Variants in ITGA2 observed in about 807,000 individuals in gnomAD.
ITGA2 encodes integrin alpha-2.
A neutral mutation model predicts 146.3 loss-of-function variants in ITGA2; 101 were observed. The ratio of observed to expected loss-of-function variants is 0.69; its 90% CI spans 0.59 to 0.81. The LOEUF (loss-of-function observed/expected upper bound fraction) is 0.81. Ranked by LOEUF, ITGA2 falls within the 40% of genes least tolerant of loss-of-function variation. The pLI is 0.00. For synonymous variants in ITGA2, 477 were observed against 487.1 expected, an observed-to-expected ratio of 0.98 and a Z score of 0.27; for missense variants, 1,281 against 1,402.7, an observed-to-expected ratio of 0.91 and a Z score of 1.39.
chr5:53,000,891 C>CTTTTTTTTTT (rs1407616111), intron 1 of ITGA2, among the ~76,000 whole-genome samples: 8 of 105,124 alleles, frequency 7.6e-5, no homozygotes, highest in East Asian at 2.7e-4. Flanking sequence ...TTTTCTTTTT[C>CTTTTTTTTTT]TTTTTGTTTT....
In ITGA2 at chr5:53,067,159, C is replaced by T. The variant is rs774132314; in HGVS notation, c.1985C>T (p.Thr662Ile). Residue 662 changes from threonine (T) to isoleucine (I), a missense_variant, in exon 16 of 30, where the codon ACA (threonine) becomes ATA (isoleucine). Coordinates refer to ENST00000296585, the MANE Select transcript of ITGA2 (RefSeq NM_002203.4). ...IADVAIEASFTPEKITLVNKN... is the reference protein window; with the variant it reads ...IADVAIEASFIPEKITLVNKN... ...GATGTAGCTATAGAAGCTTCATTCA[C>T]ACCAGAAAAAATCACTTTGGTCAAC... 1 of 1,611,332 alleles carries T rather than the reference C, an allele frequency of 6.2e-7. No homozygotes were observed. Among genetic ancestry groups the T allele is most frequent in the Non-Finnish European group, 8.5e-7 (1 of 1,178,598 alleles).
At chr5:53,038,885 G>C (rs1743637147) in intron 2 of ITGA2, among the ~76,000 whole-genome samples, 1 of 152,134 alleles carries the variant, frequency 6.6e-6, no homozygotes, top group African/African-American at 2.4e-5. Flanking sequence ...GAAGTCAGGA[G>C]TTCCAGACCA....
In ITGA2 at chr5:53,064,928, A is replaced by C; in HGVS notation, c.1619A>C (p.His540Pro). Residue 540 changes from histidine to proline, a missense_variant, in exon 14 of 30, where the codon CAC (histidine) becomes CCC (proline). By Grantham distance (77) the His-to-Pro change is moderately conservative. Transcript: ENST00000296585. Reference protein sequence around the residue: ...FTIKEGILGQHQFLEGPEGIE... With the variant: ...FTIKEGILGQPQFLEGPEGIE... Reference sequence around the variant, plus strand: ...CTTTGCAAGGGCATTTTGGGTCAGCACCAATTTCTTGAAGGCCCCGAGGGC... The same window carrying C: ...CTTTGCAAGGGCATTTTGGGTCAGCCCCAATTTCTTGAAGGCCCCGAGGGC... The C allele has an allele frequency of 1.2e-6, 2 of 1,612,688 alleles. No homozygotes were observed. The highest frequency in any genetic ancestry group is 1.7e-6 in the Non-Finnish European group (2 of 1,179,088).
At chr5:53,045,135 A>G in intron 4 of ITGA2, 43 bp downstream of exon 4, 1 of 1,418,274 alleles carries the variant, frequency 7.1e-7, no homozygotes, top group Non-Finnish European at 1.0e-6. Flanking sequence ...TCAAGAAAGT[A>G]CATAGACAGT....
intron 15 of ITGA2, 73 bp from the exon 16 acceptor site, chr5:53,067,045 C>T (rs888646994): frequency 1.1e-4 from 160 of 1,486,976 alleles, no homozygotes; most frequent in Admixed American, 3.2e-4. Context: ...GTACTGGGTC[C>T]TCTATGATAA....
intron 23 of ITGA2, among the ~76,000 whole-genome samples, chr5:53,075,960 T>C (rs1729216606): frequency 6.6e-6 from 1 of 152,044 alleles, no homozygotes; most frequent in Non-Finnish European, 1.5e-5. Flanking sequence ...CTGAGAGCAG[T>C]GGTGTAAATG....
chr5:53,019,024 A>G (rs1742540540), intron 1 of ITGA2, among the ~76,000 whole-genome samples: 1 of 152,260 alleles, frequency 6.6e-6, no homozygotes, highest in Non-Finnish European at 1.5e-5. Flanking sequence ...AGATCGTGCC[A>G]TTGCTCTCCA....
chr5:53,020,473 T>TA (rs990366020), intron 1 of ITGA2, among the ~76,000 whole-genome samples: 20 of 152,130 alleles, frequency 1.3e-4, no homozygotes, highest in Non-Finnish European at 2.5e-4. Flanking sequence ...CAAATGAAAG[T>TA]AAGAGTCAAA....
intron 1 of ITGA2, among the ~76,000 whole-genome samples, chr5:53,023,799 C>T (rs1304433344): frequency 6.6e-6 from 1 of 152,128 alleles, no homozygotes; most frequent in East Asian, 1.9e-4. Context: ...TTGAATTAGA[C>T]AGAATACTTC....
chr5:53,078,852 C>G lies in ITGA2; in HGVS notation c.2906C>G (p.Pro969Arg), dbSNP rs781021907. 3 of 1,603,004 alleles carry G rather than the reference C, an allele frequency of 1.9e-6. No homozygotes were observed. In the South Asian group the frequency reaches 3.3e-5, roughly 18 times the overall value. ...GTGCACAGTTTTGAAGATGTTGGTC[C>G]AAAATTCATCTTCTCCCTGAAGGTT... ...SIVHSFEDVG[P>R]KFIFSLKVTT... is the part of the protein sequence containing the mutation. Residue 969 changes from proline (P) to arginine (R), a missense_variant, in exon 24 of 30, where the codon CCA becomes CGA. Coordinates refer to ENST00000296585, the MANE Select transcript of ITGA2 (RefSeq NM_002203.4).
In ITGA2 at chr5:53,079,754, G is replaced by A. The variant is rs369171945; in HGVS notation, c.2929-757G>A. Among the ~76,000 whole-genome samples the A allele has an allele frequency of 1.7e-3, 257 of 152,152 alleles. 13 individuals are homozygous for A. In the South Asian group the frequency reaches 0.05, roughly 30 times the overall value. ...CTTTAATGGGGCATCTATTCAATTC[G>A]CGGTAATAACATTCATAGAGTGTGT... is the stretch of plus-strand genomic sequence containing the variant. On this transcript the variant is annotated intron_variant, in intron 24 of 29. Transcript: ENST00000296585.
In ITGA2 at chr5:53,093,126, G is replaced by A. The variant is rs1205794295; in HGVS notation, c.*2527G>A. 6.6e-6 allele frequency: 1 copy of A among 152,132 alleles called. No individual in the cohort carries two copies. The highest frequency in any genetic ancestry group is 1.5e-5 in the Non-Finnish European group (1 of 68,032). The allele number at this position is 152,132 out of a possible 1,614,324, so 9.4% of individuals were successfully genotyped here. A position where few individuals can be genotyped will look rare whatever the true frequency, so the allele number is the denominator to read the frequency against. On this transcript the variant is annotated 3_prime_UTR_variant, in exon 30 of 30. Coordinates refer to ENST00000296585, the MANE Select transcript of ITGA2 (RefSeq NM_002203.4). ...TCTCAAACAAACAAACAAAAAAAAA[G>A]TTAGTACTGTATATGTAAATACTAG...
At chr5:53,047,250 A>G (rs144431559) in intron 4 of ITGA2, among the ~76,000 whole-genome samples, 154 of 152,278 alleles carry the variant, frequency 1.0e-3, no homozygotes, top group African/African-American at 3.6e-3. Flanking sequence ...ACAACTTTAC[A>G]TAACGTTAAA....
At position 53,073,247 on chromosome 5, in the gene ITGA2, A is replaced by C. The variant is rs1283505392; in HGVS notation, c.2559A>C (p.Ser853=). 1 of 1,612,348 alleles carries C rather than the reference A, an allele frequency of 6.2e-7. No individual in the cohort carries two copies. The highest frequency in any genetic ancestry group is 1.1e-5 in the South Asian group (1 of 91,066). ...VDFSENLFFA[S]FSLPVDGTEV... is the part of the protein sequence containing the mutation. ...TTTCAGAAAACTTGTTTTTTGCATC[A>C]TTCTCCCTGCCGGTATGTGATGAGA... Residue 853 remains serine (S), a synonymous_variant, in exon 20 of 30, where the codon TCA becomes TCC. Transcript: ENST00000296585.
chr5:53,044,457 A>G (rs1321669554), intron 3 of ITGA2, among the ~76,000 whole-genome samples: 1 of 152,106 alleles, frequency 6.6e-6, no homozygotes, highest in Non-Finnish European at 1.5e-5. Flanking sequence ...CGATAACTCA[A>G]GAATGGATAC....
intron 2 of ITGA2, among the ~76,000 whole-genome samples, chr5:53,035,742 A>C (rs1743457667): frequency 6.6e-6 from 1 of 152,178 alleles, no homozygotes; most frequent in Non-Finnish European, 1.5e-5. Context: ...TTTAGAGCTC[A>C]CCAAGCACCT....
intron 23 of ITGA2, among the ~76,000 whole-genome samples, chr5:53,076,709 A>G (rs1480917287): frequency 6.6e-6 from 1 of 152,112 alleles, no homozygotes; most frequent in Admixed American, 6.6e-5. Context: ...TTAAGAATGA[A>G]ATAAATATAA....
intron 16 of ITGA2, among the ~76,000 whole-genome samples, chr5:53,067,669 C>T (rs2056403): frequency 0.74 from 112,990 of 151,780 alleles, 42,259 homozygotes; most frequent in African/African-American, 0.79. Flanking sequence ...TTTTTCCTGT[C>T]GTTGAGGAAT....
At chr5:53,087,992 A>C (rs1740192186) in intron 28 of ITGA2, among the ~76,000 whole-genome samples, 1 of 152,196 alleles carries the variant, frequency 6.6e-6, no homozygotes, top group African/African-American at 2.4e-5. Context: ...TGTCCAAGGG[A>C]AAATGATTCT....
Sources: allele counts gnomAD v4.1 joint callset (sites outside exome capture counted in the v4.1 genomes callset), GRCh38; gene constraint gnomAD v4.1.1; transcripts MANE v1.5; gene names NCBI Gene and HGNC (gene_info 2026-07-23, HGNC 2026-07-21).